Variants in NTN1 observed in about 807,000 individuals in gnomAD.
NTN1 encodes netrin 1, also known as netrin-1.
NTN1 carries 11 observed loss-of-function variants against 54.2 expected under a neutral mutation model. The observed-to-expected ratio is 0.20, with a 90% CI of 0.13 to 0.34. NTN1 has a LOEUF of 0.34. NTN1 is among the 10% of genes least tolerant of loss of function. The pLI, the probability that NTN1 is intolerant of heterozygous loss-of-function variation, is 1.00. For synonymous variants in NTN1, 371 were observed against 382.0 expected (o/e 0.97, Z 0.33); for missense variants, 740 against 893.1 (o/e 0.83, Z 2.18).
intron 6 of NTN1, among the ~76,000 whole-genome samples, chr17:9,238,307 G>A (rs1300817719): frequency 1.3e-5 from 2 of 152,176 alleles, no homozygotes; most frequent in Non-Finnish European, 2.9e-5. Context: ...TCAAGCTGCT[G>A]CTCCTGTCTC....
At chr17:9,044,862 G>T (rs1225368731) in intron 2 of NTN1, among the ~76,000 whole-genome samples, 1 of 152,178 alleles carries the variant, frequency 6.6e-6, no homozygotes, top group Non-Finnish European at 1.5e-5. Flanking sequence ...AATTAGCACA[G>T]AGTAAAAGCG....
chr17:9,109,079 G>A (rs1276843628), intron 2 of NTN1, among the ~76,000 whole-genome samples: 3 of 152,082 alleles, frequency 2.0e-5, no homozygotes. Flanking sequence ...GTTTCACCAT[G>A]TTGATCAGGC....
chr17:9,139,881 A>G (rs760673004), intron 2 of NTN1, among the ~76,000 whole-genome samples: 1 of 148,506 alleles, frequency 6.7e-6, no homozygotes, highest in African/African-American at 2.6e-5. Context: ...TTCCTCCATC[A>G]TTTATTCATT....
upstream of NTN1, among the ~76,000 whole-genome samples, chr17:9,019,612 C>A (rs913701465): frequency 1.3e-5 from 2 of 152,252 alleles, no homozygotes; most frequent in African/African-American, 4.8e-5. Flanking sequence ...GTGATGCTCA[C>A]AACCCAGTGG....
chr17:9,122,224 CG>C (rs2092233826), intron 2 of NTN1, among the ~76,000 whole-genome samples: 2 of 151,898 alleles, frequency 1.3e-5, no homozygotes, highest in South Asian at 4.2e-4. Flanking sequence ...TGTTTAAAGA[CG>C]GGGTTTCACC....
chr17:9,045,989 A>G (rs2091940225), intron 2 of NTN1, among the ~76,000 whole-genome samples: 1 of 152,244 alleles, frequency 6.6e-6, no homozygotes, highest in South Asian at 2.1e-4. Context: ...ATTTCAACAG[A>G]GTGGTCCATA....
intron 2 of NTN1, among the ~76,000 whole-genome samples, chr17:9,097,468 C>CA (rs370696532): frequency 6.6e-6 from 1 of 151,962 alleles, no homozygotes; most frequent in Non-Finnish European, 1.5e-5. Context: ...ACTAAAAATA[C>CA]AAAAAAATTA....
chr17:9,071,983 G>A (rs534016195), intron 2 of NTN1, among the ~76,000 whole-genome samples: 29 of 152,328 alleles, frequency 1.9e-4, no homozygotes, highest in African/African-American at 6.3e-4. Flanking sequence ...CCCTGGGGAG[G>A]GGTGAGAGAT....
At chr17:9,009,071 C>G in the NTN1 span, among the ~76,000 whole-genome samples, 19 of 152,082 alleles carry the variant, frequency 1.2e-4, no homozygotes, top group Non-Finnish European at 2.1e-4. Context: ...CAAAACAAAA[C>G]AAAAAAAGCT....
chr17:9,057,002 C>A (rs887209258), intron 2 of NTN1, among the ~76,000 whole-genome samples: 1 of 152,076 alleles, frequency 6.6e-6, no homozygotes, highest in African/African-American at 2.4e-5. Flanking sequence ...TCAGGGCAAG[C>A]GCTTTTCATC....
intron 2 of NTN1, among the ~76,000 whole-genome samples, chr17:9,106,925 C>T (rs1267841909): frequency 6.6e-6 from 1 of 152,172 alleles, no homozygotes; most frequent in East Asian, 1.9e-4. Context: ...ATACCCCGTG[C>T]TAAACACTTA....
intron 2 of NTN1, among the ~76,000 whole-genome samples, chr17:9,157,162 C>T (rs953190075): frequency 1.3e-5 from 2 of 152,228 alleles, no homozygotes; most frequent in East Asian, 1.9e-4. Flanking sequence ...TAAGAGCAAA[C>T]GCTGTCCCTA....
intron 2 of NTN1, among the ~76,000 whole-genome samples, chr17:9,058,637 C>CAAAAA (rs3053457): frequency 0.025 from 1,459 of 58,636 alleles, no homozygotes; most frequent in Middle Eastern, 0.087. Flanking sequence ...GGTAGGCACT[C>CAAAAA]AAAAAAAAAA....
rs901340922 is a variant in NTN1 at position 9,172,353 on chromosome 17, G to A, written c.1208-7454G>A. Among the ~76,000 whole-genome samples, 6 of 152,240 alleles carry A rather than the reference G, an allele frequency of 3.9e-5. No individual in the cohort carries two copies. In the South Asian group the frequency reaches 1.2e-3, roughly 32 times the overall value. On this transcript the variant is annotated intron_variant, in intron 3 of 6. Transcript: ENST00000173229. ...AAATTAGCTGGGCGTGGTGGTGGGT[G>A]CCTGTAGTCCCAGCTACTCGGGAGG...
chr17:9,162,725 T>G, intron 2 of NTN1, 88 bp from the exon 3 acceptor site: 3 of 1,247,956 alleles, frequency 2.4e-6, no homozygotes, highest in African/African-American at 1.5e-5. Context: ...AAGGGAGGAG[T>G]TGAGGGGTGG....
At chr17:9,141,503 G>A (rs186181392) in intron 2 of NTN1, among the ~76,000 whole-genome samples, 210 of 152,250 alleles carry the variant, frequency 1.4e-3, no homozygotes, top group Middle Eastern at 6.8e-3. Context: ...TAGCGTGGGC[G>A]TCCTGGTGGG....
intron 5 of NTN1, among the ~76,000 whole-genome samples, chr17:9,206,477 G>A (rs1289047733): frequency 1.3e-5 from 2 of 152,086 alleles, no homozygotes; most frequent in Admixed American, 6.5e-5. Flanking sequence ...CCCTGCCCTC[G>A]GGGGGAGGGG....
chr17:9,150,212 C>T (rs1452982391), intron 2 of NTN1, among the ~76,000 whole-genome samples: 1 of 152,092 alleles, frequency 6.6e-6, no homozygotes, highest in Non-Finnish European at 1.5e-5. Flanking sequence ...TCAAAAAATA[C>T]ATAATAAATA....
chr17:9,193,097 AAAAAG>A (rs1176639750), intron 5 of NTN1, among the ~76,000 whole-genome samples: 5 of 120,214 alleles, frequency 4.2e-5, no homozygotes, highest in Non-Finnish European at 7.2e-5. Context: ...AAAAAAAAAG[AAAAAG>A]AAAAAAAAGC....
Sources: gnomAD v4.1 joint callset for allele counts (sites outside exome capture counted in the v4.1 genomes callset) on GRCh38, gnomAD v4.1.1 for gene constraint, MANE v1.5 for transcripts, NCBI Gene and HGNC (gene_info 2026-07-23, HGNC 2026-07-21) for gene names.